HOMER2: variants seen among roughly 807,000 people sequenced by gnomAD.
HOMER2 encodes homer protein homolog 2.
Under a neutral mutation model 47.0 loss-of-function variants are expected in HOMER2, and 27 were observed. The observed-to-expected ratio is 0.57, with a 90% confidence interval of 0.42 to 0.79. The LOEUF (loss-of-function observed/expected upper bound fraction) is 0.79, where lower values mean the gene tolerates loss of function less well. HOMER2 is among the 30% of genes least tolerant of loss of function. HOMER2 has a pLI of 0.00. For missense variants in HOMER2, 443 were observed against 435.0 expected, an observed-to-expected ratio of 1.02 and a Z score of -0.16; for synonymous variants, 161 against 163.8, an observed-to-expected ratio of 0.98 and a Z score of 0.13.
intron 6 of HOMER2, among the ~76,000 whole-genome samples, 163 bp downstream of exon 6, chr15:82,854,480 AG>A (rs1017331007): frequency 3.2e-4 from 49 of 152,210 alleles, no homozygotes; most frequent in African/African-American, 1.1e-3. Flanking sequence ...CTACTAAGAA[AG>A]GCAGGGAGGG....
chr15:82,943,633 T>C (rs540527206), intron 1 of HOMER2, among the ~76,000 whole-genome samples: 3 of 152,254 alleles, frequency 2.0e-5, no homozygotes, highest in Non-Finnish European at 2.9e-5. Flanking sequence ...AAAGGATCCA[T>C]TGCCCAGGCA....
intron 1 of HOMER2, among the ~76,000 whole-genome samples, chr15:82,900,235 C>T (rs1262896982): frequency 3.3e-5 from 5 of 151,984 alleles, no homozygotes; most frequent in African/African-American, 1.2e-4. Flanking sequence ...CTAGTACATA[C>T]TAGAATTGGG....
chr15:82,904,228 TAGAG>T (rs983329406), intron 1 of HOMER2, among the ~76,000 whole-genome samples: 1 of 151,802 alleles, frequency 6.6e-6, no homozygotes, highest in African/African-American at 2.4e-5. Context: ...CCCCCAAAAT[TAGAG>T]AGACAAGCAG....
At chr15:82,972,369 A>G (rs964793985) in intron 1 of HOMER2, among the ~76,000 whole-genome samples, 8 of 152,194 alleles carry the variant, frequency 5.3e-5, no homozygotes, top group Non-Finnish European at 1.0e-4. Context: ...TTTACAATAG[A>G]ATGCAACTTT....
At position 82,873,027 on chromosome 15, in the gene HOMER2, T is replaced by G. The variant is rs373388629; in HGVS notation, c.294+2246A>C. On this transcript the variant is annotated intron_variant, in intron 3 of 8. Coordinates refer to ENST00000450735, the MANE Select transcript of HOMER2 (RefSeq NM_004839.4). The stretch of plus-strand genomic sequence containing the variant: ...GGGCTGTTCTATGGATACCCAGTCA[T>G]TCACTTTCTCCAGGCAGCCTGGTAC... Among the ~76,000 whole-genome samples, 54 of 152,276 alleles carry G rather than the reference T, an allele frequency of 3.5e-4. 1 individual carries two copies. In the East Asian group the frequency reaches 8.3e-3, roughly 23 times the overall value.
rs757594874 is a variant in HOMER2, at chr15:82,859,148, T to C, written c.388-13A>G. On this transcript the variant is annotated splice_polypyrimidine_tract_variant and intron_variant, in intron 4 of 8. Coordinates refer to ENST00000450735, the MANE Select transcript of HOMER2 (RefSeq NM_004839.4). The stretch of plus-strand genomic sequence containing the variant: ...TGACACTGGATGCCTGAGTAGAAGA[T>C]GGGGTTTCACGCCCAGATTCCTGGC... 4.3e-6 allele frequency: 7 copies of C among 1,613,992 alleles called. No homozygotes were observed. In the South Asian group the frequency reaches 7.7e-5, roughly 18 times the overall value.
intron 1 of HOMER2, among the ~76,000 whole-genome samples, chr15:82,960,603 A>G (rs1233817872): frequency 6.6e-6 from 1 of 152,234 alleles, no homozygotes; most frequent in Non-Finnish European, 1.5e-5. Flanking sequence ...GCAAACAAAA[A>G]CAAACAAAAA....
chr15:82,974,938 T>C (rs1477291990), intron 1 of HOMER2, among the ~76,000 whole-genome samples: 3 of 151,796 alleles, frequency 2.0e-5, no homozygotes, highest in Non-Finnish European at 4.4e-5. Flanking sequence ...GGCGTGGTGG[T>C]GGGCGCCTGT....
At chr15:82,932,074 C>G (rs1446585475) in intron 1 of HOMER2, among the ~76,000 whole-genome samples, 1 of 152,178 alleles carries the variant, frequency 6.6e-6, no homozygotes, top group Admixed American at 6.5e-5. Context: ...CAAACCCAGG[C>G]CTGGGGGGCC....
chr15:82,938,797 T>G (rs561424346), intron 1 of HOMER2, among the ~76,000 whole-genome samples: 1 of 152,088 alleles, frequency 6.6e-6, no homozygotes, highest in Admixed American at 6.6e-5. Context: ...CCACAGGGAG[T>G]CTCAGTCTCA....
At chr15:82,840,318 G>A (rs1341588707) in exon 2 of HOMER2, 1 of 152,052 alleles carries the variant, frequency 6.6e-6, no homozygotes, top group Non-Finnish European at 1.5e-5. Context: ...TATTTGAAAA[G>A]ATCAATGAAA....
At chr15:82,964,811 C>G (rs1480194602) in intron 1 of HOMER2, among the ~76,000 whole-genome samples, 1 of 152,044 alleles carries the variant, frequency 6.6e-6, no homozygotes, top group Admixed American at 6.6e-5. Context: ...TGAAATAATC[C>G]CTATTTATCT....
intron 3 of HOMER2, among the ~76,000 whole-genome samples, chr15:82,871,596 G>T (rs1244339556): frequency 6.6e-6 from 1 of 152,168 alleles, no homozygotes; most frequent in Non-Finnish European, 1.5e-5. Flanking sequence ...TTGGACAAAG[G>T]GGTTATCTGA....
intron 1 of HOMER2, among the ~76,000 whole-genome samples, chr15:82,932,500 CA>C (rs111788972): frequency 1.6e-3 from 196 of 122,372 alleles, no homozygotes; most frequent in Middle Eastern, 4.5e-3. Flanking sequence ...GACTCTGTCT[CA>C]AAAAAAAAAA....
At chr15:82,861,830 A>C (rs763409634) in intron 4 of HOMER2, among the ~76,000 whole-genome samples, 8 of 152,168 alleles carry the variant, frequency 5.3e-5, no homozygotes, top group Non-Finnish European at 1.2e-4. Context: ...CAACATGGTG[A>C]AACCACATCT....
intron 1 of HOMER2, among the ~76,000 whole-genome samples, chr15:82,902,412 G>T (rs907406855): frequency 1.3e-5 from 2 of 152,032 alleles, no homozygotes; most frequent in African/African-American, 4.8e-5. Flanking sequence ...TGACCAGGCC[G>T]GTTTCAAACT....
intron 1 of HOMER2, among the ~76,000 whole-genome samples, chr15:82,951,384 G>A (rs1326089402): frequency 3.3e-5 from 5 of 152,136 alleles, no homozygotes; most frequent in African/African-American, 1.2e-4. Flanking sequence ...AGACTCACCA[G>A]GCAAAATGAC....
chr15:82,960,574 C>G (rs2054622311), intron 1 of HOMER2, among the ~76,000 whole-genome samples: 1 of 152,236 alleles, frequency 6.6e-6, no homozygotes, highest in Non-Finnish European at 1.5e-5. Context: ...CGAGATAACT[C>G]CTTGCCAGTA....
At chr15:82,942,142 A>T (rs564823391) in intron 1 of HOMER2, among the ~76,000 whole-genome samples, 26 of 152,310 alleles carry the variant, frequency 1.7e-4, no homozygotes, top group Admixed American at 1.6e-3. Context: ...CTAACTTCGT[A>T]CAGAGTTAAG....
Sources: allele counts gnomAD v4.1 joint callset (sites outside exome capture counted in the v4.1 genomes callset), GRCh38; gene constraint gnomAD v4.1.1; transcripts MANE v1.5; gene names NCBI Gene and HGNC (gene_info 2026-07-23, HGNC 2026-07-21).